SAMMSON: variants seen among roughly 807,000 people sequenced by gnomAD.
The protein encoded by SAMMSON is survival associated mitochondrial melanoma specific oncogenic non-coding RNA, also known as long intergenic non-protein coding RNA 1212.
At chr3:70,118,524 A>T (rs777025208) in intron 4 of SAMMSON, among the ~76,000 whole-genome samples, 71 of 152,284 alleles carry the variant, frequency 4.7e-4, no homozygotes, top group Non-Finnish European at 8.7e-4. Flanking sequence ...TTCTGTGGAA[A>T]TCTGAATACT....
intron 4 of SAMMSON, among the ~76,000 whole-genome samples, chr3:70,076,655 A>G (rs966090702): frequency 1.3e-5 from 2 of 152,180 alleles, no homozygotes; most frequent in South Asian, 2.1e-4. Flanking sequence ...ATTGCCAGCA[A>G]AGGTTCCAGA....
intron 7 of SAMMSON, among the ~76,000 whole-genome samples, chr3:70,310,761 A>G (rs1041018154): frequency 6.6e-6 from 1 of 152,166 alleles, no homozygotes; most frequent in African/African-American, 2.4e-5. Context: ...TGATTTCAAC[A>G]CTGTAGGAAA....
intron 2 of SAMMSON, among the ~76,000 whole-genome samples, chr3:70,431,002 G>C (rs1448205874): frequency 6.6e-6 from 1 of 152,048 alleles, no homozygotes; most frequent in Non-Finnish European, 1.5e-5. Flanking sequence ...TGGATATGGA[G>C]AGATGATCAC....
chr3:70,319,287 A>C (rs1165417336), intron 7 of SAMMSON, among the ~76,000 whole-genome samples: 1 of 152,106 alleles, frequency 6.6e-6, no homozygotes. Flanking sequence ...GGAAAAGGAC[A>C]GTGAAGTCGA....
At chr3:70,381,721 C>A (rs1452470779) in intron 9 of SAMMSON, among the ~76,000 whole-genome samples, 1 of 151,876 alleles carries the variant, frequency 6.6e-6, no homozygotes, top group African/African-American at 2.4e-5. Context: ...AGGAAGAAAA[C>A]AGACAAATCC....
At chr3:70,274,697 T>C (rs536625377) in intron 6 of SAMMSON, among the ~76,000 whole-genome samples, 5 of 152,264 alleles carry the variant, frequency 3.3e-5, no homozygotes, top group South Asian at 4.1e-4. Context: ...CCAACCACCA[T>C]GGCACACATC....
At chr3:70,372,718 A>C (rs989827688) in intron 9 of SAMMSON, among the ~76,000 whole-genome samples, 1 of 152,170 alleles carries the variant, frequency 6.6e-6, no homozygotes, top group Admixed American at 6.6e-5. Flanking sequence ...GTTCCTCATC[A>C]GGGTCTTGTA....
chr3:70,323,497 G>A (rs891779289), intron 7 of SAMMSON, among the ~76,000 whole-genome samples: 1 of 152,122 alleles, frequency 6.6e-6, no homozygotes. Context: ...TTGTAAGCTG[G>A]TACATGCAGC....
intron 6 of SAMMSON, among the ~76,000 whole-genome samples, chr3:70,290,675 A>G (rs1031433989): frequency 6.6e-6 from 1 of 152,054 alleles, no homozygotes; most frequent in Non-Finnish European, 1.5e-5. Flanking sequence ...GCCGCCTTGC[A>G]GTTTGATCTC....
At chr3:70,008,100 T>G (rs2066936178) in intron 1 of SAMMSON, among the ~76,000 whole-genome samples, 1 of 152,182 alleles carries the variant, frequency 6.6e-6, no homozygotes, top group South Asian at 2.1e-4. Context: ...GCTTTGTTCT[T>G]TTGACTTAGG....
chr3:70,418,960 CT>C (rs1559585487), intron 2 of SAMMSON, among the ~76,000 whole-genome samples: 85 of 87,884 alleles, frequency 9.7e-4, no homozygotes, highest in South Asian at 1.6e-3. Context: ...CTTTCCTTTC[CT>C]TTCCTTTCCT....
chr3:70,046,406 G>T (rs939266262), intron 3 of SAMMSON, among the ~76,000 whole-genome samples: 46 of 152,196 alleles, frequency 3.0e-4, no homozygotes, highest in African/African-American at 1.1e-3. Flanking sequence ...CATGAATGCT[G>T]CATATTGATT....
intron 6 of SAMMSON, among the ~76,000 whole-genome samples, chr3:70,275,496 G>A (rs1702015382): frequency 6.6e-6 from 1 of 152,050 alleles, no homozygotes; most frequent in Admixed American, 6.6e-5. Context: ...GAGCCTAGGT[G>A]GCAAAGCAAG....
At chr3:70,002,108 C>T (rs1336366878) in intron 1 of SAMMSON, among the ~76,000 whole-genome samples, 1 of 152,108 alleles carries the variant, frequency 6.6e-6, no homozygotes, top group African/African-American at 2.4e-5. Flanking sequence ...TAACCACTCC[C>T]TTGTAAGTGG....
chr3:70,025,680 A>G (rs2067034694), intron 3 of SAMMSON, among the ~76,000 whole-genome samples: 2 of 152,236 alleles, frequency 1.3e-5, no homozygotes, highest in Admixed American at 1.3e-4. Flanking sequence ...CGCGGTTCAC[A>G]ATCTGAGTAT....
chr3:70,321,896 T>C (rs1702541862), intron 7 of SAMMSON, among the ~76,000 whole-genome samples: 1 of 152,032 alleles, frequency 6.6e-6, no homozygotes, highest in Admixed American at 6.6e-5. Flanking sequence ...GATGAAAGAA[T>C]ATATCATCTT....
intron 3 of SAMMSON, among the ~76,000 whole-genome samples, chr3:70,022,234 CCCAAATGTA>C (rs1024485759): frequency 7.5e-6 from 1 of 134,158 alleles, no homozygotes; most frequent in Non-Finnish European, 1.5e-5. Context: ...CAACTGGCCC[CCCAAATGTA>C]CCTAATTTGA....
At chr3:70,189,599 G>A (rs569888214) in intron 4 of SAMMSON, among the ~76,000 whole-genome samples, 31 of 152,288 alleles carry the variant, frequency 2.0e-4, no homozygotes, top group African/African-American at 6.3e-4. Flanking sequence ...TAAATAGCAA[G>A]AGGCAGATGA....
chr3:70,326,577 G>C (rs1208341787), intron 7 of SAMMSON, among the ~76,000 whole-genome samples: 1 of 152,144 alleles, frequency 6.6e-6, no homozygotes, highest in East Asian at 1.9e-4. Context: ...TTTCAGTCCA[G>C]TGGCCATCTC....
Sources: allele counts gnomAD v4.1 joint callset (sites outside exome capture counted in the v4.1 genomes callset), GRCh38; gene constraint gnomAD v4.1.1; transcripts MANE v1.5; gene names NCBI Gene and HGNC (gene_info 2026-07-23, HGNC 2026-07-21).